Variants in EXT1 observed in about 807,000 individuals in gnomAD.
EXT1 encodes the protein exostosin-1.
EXT1 carries 20 observed loss-of-function variants against 82.5 expected under a neutral mutation model. The observed-to-expected ratio is 0.24, with a 90% CI of 0.17 to 0.35. EXT1 has a LOEUF of 0.35. Among genes scored for constraint, EXT1 ranks in the 10% least tolerant of loss-of-function variants. EXT1 has a pLI of 1.00. For missense variants in EXT1, 757 were observed against 936.5 expected, an observed-to-expected ratio of 0.81 and a Z score of 2.50; for synonymous variants, 348 against 350.8, an observed-to-expected ratio of 0.99 and a Z score of 0.09.
chr8:117,898,671 C>T (rs1039179447), intron 1 of EXT1, among the ~76,000 whole-genome samples: 1 of 151,982 alleles, frequency 6.6e-6, no homozygotes, highest in Non-Finnish European at 1.5e-5. Context: ...CTAAAAAGCA[C>T]GTGACTGGCC....
rs119103290 is a variant in EXT1 at position 117,837,146 on chromosome 8, G to A, written c.1018C>T (p.Arg340Cys). Reference protein sequence around the residue: ...NATFCLVPRGRRLGSFRFLEA... With the variant: ...NATFCLVPRGCRLGSFRFLEA... ...AGGAATCTGAAGGACCCAAGCCTGC[G>A]ACCACGAGGAACCAGACAGAAAGTG... Residue 340 changes from arginine (R) to cysteine (C), a missense_variant, in exon 2 of 11, where the codon CGC (arginine) becomes TGC (cysteine). Physicochemically the swap from Arg to Cys is radical, Grantham distance 180 (BLOSUM62 -3). This residue lies in a region of EXT1 where 247 missense variants were observed against 330.1 expected (regional missense o/e 0.75). Coordinates refer to ENST00000378204, the MANE Select transcript of EXT1 (RefSeq NM_000127.3). The A allele has an allele frequency of 1.2e-6, 2 of 1,613,946 alleles. No homozygotes were observed. The highest frequency in any genetic ancestry group is 8.5e-7 in the Non-Finnish European group (1 of 1,179,952).
intron 1 of EXT1, among the ~76,000 whole-genome samples, chr8:117,870,850 A>ACACACACACACAC (rs1563586222): frequency 1.3e-4 from 12 of 89,662 alleles, no homozygotes; most frequent in African/African-American, 1.1e-3. Flanking sequence ...CACACACACA[A>ACACACACACACAC]AAGATTGAAG....
chr8:117,893,810 A>C (rs1813289496), intron 1 of EXT1, among the ~76,000 whole-genome samples: 1 of 152,178 alleles, frequency 6.6e-6, no homozygotes, highest in African/African-American at 2.4e-5. Context: ...CAAGGTCTCG[A>C]TCTTACAAGT....
intron 1 of EXT1, among the ~76,000 whole-genome samples, chr8:117,881,229 G>GA (rs1813054206): frequency 6.6e-6 from 1 of 152,024 alleles, no homozygotes. Flanking sequence ...TACAGAAAAA[G>GA]AAAAAATGTC....
intron 1 of EXT1, among the ~76,000 whole-genome samples, chr8:117,885,432 C>G (rs1813129415): frequency 7.1e-6 from 1 of 140,574 alleles, no homozygotes; most frequent in South Asian, 2.2e-4. Flanking sequence ...ACCGTACTGG[C>G]AGGGGAGGAG....
At chr8:117,872,463 C>A (rs1219567272) in intron 1 of EXT1, among the ~76,000 whole-genome samples, 1 of 151,598 alleles carries the variant, frequency 6.6e-6, no homozygotes, top group African/African-American at 2.4e-5. Flanking sequence ...GACTGTATAG[C>A]TACAGATAAG....
chr8:118,076,734 C>T (rs1817219363), intron 1 of EXT1, among the ~76,000 whole-genome samples: 2 of 152,204 alleles, frequency 1.3e-5, no homozygotes, highest in Admixed American at 6.5e-5. Flanking sequence ...GGTCGAGATG[C>T]CTTTGTTTCT....
intron 1 of EXT1, among the ~76,000 whole-genome samples, chr8:117,890,313 C>A (rs1813220602): frequency 6.6e-6 from 1 of 152,124 alleles, no homozygotes; most frequent in Non-Finnish European, 1.5e-5. Context: ...TCCCAAGAAA[C>A]CTTTGGCAAC....
At chr8:117,879,530 CT>C (rs1813026193) in intron 1 of EXT1, among the ~76,000 whole-genome samples, 2 of 151,818 alleles carry the variant, frequency 1.3e-5, no homozygotes. Flanking sequence ...CCACATGGTA[CT>C]TTATACAGGC....
At chr8:118,064,379 C>G (rs887579661) in intron 1 of EXT1, among the ~76,000 whole-genome samples, 18 of 152,188 alleles carry the variant, frequency 1.2e-4, no homozygotes, top group Middle Eastern at 3.4e-3. Context: ...CTCCCTGTGT[C>G]CATGTGTTCT....
intron 1 of EXT1, among the ~76,000 whole-genome samples, chr8:117,939,044 G>GT (rs111875016): frequency 3.2e-4 from 48 of 150,740 alleles, no homozygotes; most frequent in East Asian, 9.8e-4. Flanking sequence ...TTTTCAAGCT[G>GT]TTTTTTTTTC....
chr8:117,908,819 C>T (rs904471588), intron 1 of EXT1, among the ~76,000 whole-genome samples: 1 of 151,920 alleles, frequency 6.6e-6, no homozygotes, highest in Non-Finnish European at 1.5e-5. Flanking sequence ...GTGGAACAAA[C>T]TTGAGGCTTA....
intron 1 of EXT1, among the ~76,000 whole-genome samples, chr8:117,862,526 T>A (rs2129867084): frequency 6.9e-6 from 1 of 145,940 alleles, no homozygotes; most frequent in East Asian, 1.9e-4. Flanking sequence ...TAAAAGCACC[T>A]CCTTCAGTAG....
chr8:118,075,767 C>A (rs1418874734), intron 1 of EXT1, among the ~76,000 whole-genome samples: 3 of 151,986 alleles, frequency 2.0e-5, no homozygotes, highest in Admixed American at 6.6e-5. Context: ...GGGGAACAGG[C>A]ATCTCACATG....
chr8:117,841,401 G>A (rs1164744821), intron 1 of EXT1, among the ~76,000 whole-genome samples: 1 of 152,160 alleles, frequency 6.6e-6, no homozygotes, highest in Non-Finnish European at 1.5e-5. Flanking sequence ...ATTGGTTGGG[G>A]GGAGGAGGAA....
chr8:117,862,320 C>T (rs1481819670), intron 1 of EXT1, among the ~76,000 whole-genome samples: 1 of 145,748 alleles, frequency 6.9e-6, no homozygotes, highest in South Asian at 2.2e-4. Context: ...CTCTATAGCC[C>T]CCTACCAAAG....
chr8:117,923,998 T>C (rs1813908418), intron 1 of EXT1, among the ~76,000 whole-genome samples: 1 of 152,212 alleles, frequency 6.6e-6, no homozygotes, highest in African/African-American at 2.4e-5. Context: ...AGAGTTAAAA[T>C]AGGTGTGTTC....
intron 1 of EXT1, among the ~76,000 whole-genome samples, chr8:117,881,838 A>T (rs1232030599): frequency 6.6e-6 from 1 of 152,120 alleles, no homozygotes; most frequent in Non-Finnish European, 1.5e-5. Flanking sequence ...GGAAACCACA[A>T]AACCCACGCC....
At chr8:117,909,721 G>C (rs1813609754) in intron 1 of EXT1, among the ~76,000 whole-genome samples, 2 of 152,020 alleles carry the variant, frequency 1.3e-5, no homozygotes, top group African/African-American at 2.4e-5. Context: ...CCATTTCCCA[G>C]TTCATTTCCT....
Sources: allele counts gnomAD v4.1 joint callset (sites outside exome capture counted in the v4.1 genomes callset), GRCh38; gene constraint gnomAD v4.1.1; regional missense constraint gnomAD v4.1.1; transcripts MANE v1.5; gene names NCBI Gene and HGNC (gene_info 2026-07-23, HGNC 2026-07-21).